KIF17: variants seen among roughly 807,000 people sequenced by gnomAD.
The protein encoded by KIF17 is kinesin family member 17, also known as kinesin-like protein KIF17.
A neutral mutation model predicts 96.8 loss-of-function variants in KIF17; 80 were observed. The observed-to-expected ratio is 0.83, with a 90% CI of 0.69 to 1.00. KIF17 has a LOEUF of 1.00. KIF17 is among the 50% of genes least tolerant of loss of function. The pLI is 0.00. For synonymous variants in KIF17, 567 were observed against 587.5 expected (o/e 0.97, Z 0.51); for missense variants, 1,280 against 1,372.9 (o/e 0.93, Z 1.07).
chr1:20,712,601 T>TA (rs1367929000), intron 3 of KIF17, among the ~76,000 whole-genome samples: 2 of 13,580 alleles, frequency 1.5e-4, no homozygotes, highest in African/African-American at 3.6e-4. Flanking sequence ...TATCTATATA[T>TA]ATCTATATAT....
chr1:20,714,808 A>C (rs1482502089), intron 2 of KIF17, among the ~76,000 whole-genome samples: 2 of 151,702 alleles, frequency 1.3e-5, no homozygotes, highest in Non-Finnish European at 2.9e-5. Flanking sequence ...AAAAAAAAAA[A>C]AAAAAAACAC....
In KIF17 at chr1:20,672,260, T is replaced by C; in HGVS notation, c.2464-64A>G. 1.3e-6 allele frequency: 2 copies of C among 1,594,564 alleles called. No individual in the cohort carries two copies. Among genetic ancestry groups the C allele is most frequent in the Non-Finnish European group, 8.5e-7 (1 of 1,172,130 alleles). On this transcript the variant is annotated intron_variant, in intron 11 of 14. Coordinates refer to ENST00000400463, the MANE Select transcript of KIF17 (RefSeq NM_001122819.3). This position sits in a 1 kb window ranked among gnomAD's most constrained non-coding sequence, Gnocchi z 4.3. ...TACCTCCCCTTCCATCTAACCACCC[T>C]GTCCACTCACTGTCCTGCCAGCAGC...
In KIF17 at chr1:20,695,839, T is replaced by C. The variant is rs556154451; in HGVS notation, c.1233+2540A>G. 1.1e-3 allele frequency among the ~76,000 whole-genome samples: 173 copies of C among 152,270 alleles called. 1 individual carries two copies. The highest frequency in any genetic ancestry group is 4.0e-3 in the African/African-American group (166 of 41,550). ...TCTCTTACTTCCAACATTTAAAGCATGAAAAACCCTTCCTTGGCCCCACAT... is the reference window on the plus strand; with the variant it reads ...TCTCTTACTTCCAACATTTAAAGCACGAAAAACCCTTCCTTGGCCCCACAT... On this transcript the variant is annotated intron_variant, in intron 6 of 14. Coordinates refer to ENST00000400463, the MANE Select transcript of KIF17 (RefSeq NM_001122819.3).
At chr1:20,712,937 ATAT>A (rs2054503086) in intron 3 of KIF17, among the ~76,000 whole-genome samples, 1 of 125,934 alleles carries the variant, frequency 7.9e-6, no homozygotes, top group Non-Finnish European at 1.6e-5. Flanking sequence ...ATTATCTATA[ATAT>A]TATCTATATT....
chr1:20,671,710 C>G (rs144446754), intron 12 of KIF17, among the ~76,000 whole-genome samples: 114 of 152,292 alleles, frequency 7.5e-4, no homozygotes, highest in Middle Eastern at 3.4e-3. Flanking sequence ...GATGAAGACA[C>G]CGAGTCCCAA....
Position 20,672,624 on chromosome 1 carries a change from C to T in KIF17, c.2464-428G>A, listed in dbSNP as rs1489597879. ...TCAGAGAATTGCACAAGTGACATCT[C>T]TAAGGAGGACAACAGGCACAAACTC... is the stretch of plus-strand genomic sequence containing the variant. On this transcript the variant is annotated intron_variant, in intron 11 of 14. Coordinates refer to ENST00000400463, the MANE Select transcript of KIF17 (RefSeq NM_001122819.3). The surrounding 1 kb of genome is among the most constrained non-coding windows in gnomAD (Gnocchi z 4.3). Among the ~76,000 whole-genome samples the T allele has an allele frequency of 4.6e-5, 7 of 152,208 alleles. No individual in the cohort carries two copies. Among genetic ancestry groups the T allele is most frequent in the Non-Finnish European group, 8.8e-5 (6 of 68,042 alleles).
rs989659121 is a variant in KIF17, at chr1:20,710,457, G to A, written c.481-629C>T. Among the ~76,000 whole-genome samples, 63 of 152,228 alleles carry A rather than the reference G, an allele frequency of 4.1e-4. 1 individual carries two copies. The highest frequency in any genetic ancestry group is 1.3e-3 in the African/African-American group (55 of 41,456). ...GCCCCCAGCCCTCAGGGCGATGGCA[G>A]CAGTAAATTAATTTATCTGATGGCT... On this transcript the variant is annotated intron_variant, in intron 3 of 14. Coordinates refer to ENST00000400463, the MANE Select transcript of KIF17 (RefSeq NM_001122819.3).
At chr1:20,682,622 C>G (rs2053849066) in intron 11 of KIF17, 31 bp downstream of exon 11, 2 of 1,598,434 alleles carry the variant, frequency 1.3e-6, no homozygotes, top group African/African-American at 2.7e-5. Flanking sequence ...CTCTGGGCAG[C>G]TGGGCATGGG....
rs114166502 is a variant in KIF17, at chr1:20,686,307, G to A, written c.1939-181C>T. 805 of 656,588 alleles carry A rather than the reference G, an allele frequency of 1.2e-3. 10 individuals carry two copies. The African/African-American group carries it at 0.013, about 11-fold the overall frequency. 40.7% of individuals were successfully genotyped at this position (656,588 alleles called of 1,614,324 possible). A position where few individuals can be genotyped will look rare whatever the true frequency, so the allele number is the denominator to read the frequency against. On this transcript the variant is annotated intron_variant, in intron 8 of 14. Transcript: ENST00000400463. ...GGGAAGAGATGAGGGAGAGAACAGGGAAGAGAGGAAACGGAAGACAGGCGT... is the reference window on the plus strand; with the variant it reads ...GGGAAGAGATGAGGGAGAGAACAGGAAAGAGAGGAAACGGAAGACAGGCGT...
At chr1:20,684,193 C>T (rs937905513) in intron 10 of KIF17, among the ~76,000 whole-genome samples, 6 of 152,242 alleles carry the variant, frequency 3.9e-5, no homozygotes, top group African/African-American at 1.2e-4. Flanking sequence ...CTGTCCTCCG[C>T]CCTGGCCTGT....
At chr1:20,688,086 G>A (rs1256079263) in intron 7 of KIF17, 142 bp from the exon 8 acceptor site, 18 of 721,960 alleles carry the variant, frequency 2.5e-5, no homozygotes, top group African/African-American at 3.6e-5. Context: ...TTGCTCTGTC[G>A]CCCGGGCTGG....
At chr1:20,683,746 A>G (rs1251287593) in intron 10 of KIF17, among the ~76,000 whole-genome samples, 2 of 152,030 alleles carry the variant, frequency 1.3e-5, no homozygotes, top group East Asian at 3.9e-4. Context: ...TCTTCCCTCT[A>G]TCTCCCCTGC....
intron 1 of KIF17, 89 bp downstream of exon 1, chr1:20,717,387 C>A: frequency 6.7e-7 from 1 of 1,490,310 alleles, no homozygotes. Context: ...GGCCTTTCCT[C>A]CTGGCTGGGG....
intron 11 of KIF17, among the ~76,000 whole-genome samples, chr1:20,676,669 T>A (rs550113980): frequency 1.3e-5 from 2 of 151,174 alleles, no homozygotes; most frequent in Admixed American, 1.3e-4. Context: ...TTATCTCTAC[T>A]AAATACAAAA....
At chr1:20,706,266 G>A (rs1318955612) in intron 4 of KIF17, among the ~76,000 whole-genome samples, 2 of 151,552 alleles carry the variant, frequency 1.3e-5, no homozygotes, top group South Asian at 2.1e-4. Context: ...AACAGACAGC[G>A]CATTCGTAGC....
chr1:20,707,967 CTA>C (rs1212417549), intron 4 of KIF17, among the ~76,000 whole-genome samples: 1 of 151,638 alleles, frequency 6.6e-6, no homozygotes, highest in Non-Finnish European at 1.5e-5. Context: ...GGTGTCAGAA[CTA>C]TGAGTAACTG....
chr1:20,682,079 T>C (rs1287248357), intron 11 of KIF17, among the ~76,000 whole-genome samples: 5 of 152,140 alleles, frequency 3.3e-5, no homozygotes, highest in Admixed American at 1.3e-4. Context: ...ATTTCTCTCC[T>C]GTGTTATTTC....
intron 6 of KIF17, among the ~76,000 whole-genome samples, chr1:20,693,408 G>A (rs1351473051): frequency 3.3e-5 from 5 of 151,578 alleles, no homozygotes; most frequent in Non-Finnish European, 7.4e-5. Flanking sequence ...GGGACCACAG[G>A]CACCCACCAC....
At chr1:20,715,200 G>A (rs1008225447) in intron 2 of KIF17, among the ~76,000 whole-genome samples, 3 of 152,220 alleles carry the variant, frequency 2.0e-5, no homozygotes, top group African/African-American at 4.8e-5. Flanking sequence ...TCAATAAAGA[G>A]GGAAGCTGTG....
Sources: allele counts gnomAD v4.1 joint callset (sites outside exome capture counted in the v4.1 genomes callset), GRCh38; gene constraint gnomAD v4.1.1; non-coding constraint Gnocchi (gnomAD v3.1); transcripts MANE v1.5; gene names NCBI Gene and HGNC (gene_info 2026-07-23, HGNC 2026-07-21).